The following KMO variants were observed in gnomAD, a reference collection of about 807,000 sequenced individuals.
The protein encoded by KMO is kynurenine 3-monooxygenase.
A neutral mutation model predicts 57.8 loss-of-function variants in KMO; 24 were observed. The observed-to-expected ratio is 0.42, with a 90% CI of 0.30 to 0.58. The LOEUF is 0.58. Ranked by LOEUF, KMO falls within the 20% of genes least tolerant of loss-of-function variation. KMO has a pLI of 0.22. For synonymous variants in KMO, 210 were observed against 193.6 expected (o/e 1.08, Z -0.70); for missense variants, 483 against 588.2 (o/e 0.82, Z 1.85).
At chr1:241,583,874 CAA>C (rs1177459437) in intron 10 of KMO, among the ~76,000 whole-genome samples, 1 of 152,064 alleles carries the variant, frequency 6.6e-6, no homozygotes, top group East Asian at 1.9e-4. Context: ...ATCAGCAATT[CAA>C]GACTTAATTT....
In KMO at chr1:241,595,588, A is replaced by G. The variant is rs946928641; in HGVS notation, c.*3435A>G. The G allele has an allele frequency of 6.6e-6, 1 of 152,244 alleles. No homozygotes were observed. Among genetic ancestry groups the G allele is most frequent in the African/African-American group, 2.4e-5 (1 of 41,472 alleles). 9.4% of individuals were successfully genotyped at this position (152,244 alleles called of 1,614,324 possible). A position where few individuals can be genotyped will look rare whatever the true frequency, so the allele number is the denominator to read the frequency against. The stretch of plus-strand genomic sequence containing the variant: ...TTATTTAGAGCGAAATAAATGTTGA[A>G]TATATGGACTTTCTCAGATTAGGAA... On this transcript the variant is annotated 3_prime_UTR_variant, in exon 15 of 15. Coordinates refer to ENST00000366559, the MANE Select transcript of KMO (RefSeq NM_003679.5).
intron 10 of KMO, among the ~76,000 whole-genome samples, chr1:241,578,517 G>A (rs989766100): frequency 6.6e-6 from 1 of 152,144 alleles, no homozygotes; most frequent in African/African-American, 2.4e-5. Context: ...TGAGGCCACT[G>A]TGGGGAATGT....
chr1:241,581,885 T>C (rs1256542910), intron 10 of KMO, among the ~76,000 whole-genome samples: 1 of 152,152 alleles, frequency 6.6e-6, no homozygotes, highest in Non-Finnish European at 1.5e-5. Flanking sequence ...AGGTGATTTT[T>C]TTTCTCATTT....
chr1:241,562,895 G>T (rs1239456448), intron 7 of KMO, among the ~76,000 whole-genome samples: 6 of 79,036 alleles, frequency 7.6e-5, no homozygotes, highest in Non-Finnish European at 1.7e-4. Context: ...AGGAAGGAAG[G>T]AAGGAAGGAA....
intron 5 of KMO, among the ~76,000 whole-genome samples, chr1:241,556,674 T>C (rs1350474943): frequency 6.6e-6 from 1 of 152,068 alleles, no homozygotes. Flanking sequence ...GGTCAGGAGT[T>C]TGAGACCAGC....
chr1:241,566,685 A>C, intron 9 of KMO, 73 bp downstream of exon 9: 1 of 1,543,842 alleles, frequency 6.5e-7, no homozygotes, highest in Non-Finnish European at 8.9e-7. Flanking sequence ...TATGCACCTG[A>C]TTTCAGTTTG....
At chr1:241,549,214 A>G (rs1378552507) in intron 2 of KMO, among the ~76,000 whole-genome samples, 10 of 6,052 alleles carry the variant, frequency 1.7e-3, no homozygotes, top group African/African-American at 2.2e-3. Flanking sequence ...AGAAAGAAAG[A>G]AAGAAAGAAA....
At position 241,555,678 on chromosome 1, in the gene KMO, T is replaced by C. The variant is rs746866559; in HGVS notation, c.361+18T>C. The C allele has an allele frequency of 1.3e-6, 2 of 1,483,030 alleles. No homozygotes were observed. Among genetic ancestry groups the C allele is most frequent in the Admixed American group, 3.4e-5 (2 of 59,260 alleles). The allele number at this position is 1,483,030 out of a possible 1,614,324, so 91.9% of individuals were successfully genotyped here. A position where few individuals can be genotyped will look rare whatever the true frequency, so the allele number is the denominator to read the frequency against. On this transcript the variant is annotated intron_variant, in intron 5 of 14. Coordinates refer to ENST00000366559, the MANE Select transcript of KMO (RefSeq NM_003679.5). ...ATTGACTGGTAAGTCTAATGTTTGATTCATCAGTTGTCATTTTGAGTAAAG... is the reference window on the plus strand; with the variant it reads ...ATTGACTGGTAAGTCTAATGTTTGACTCATCAGTTGTCATTTTGAGTAAAG...
Position 241,594,139 on chromosome 1 carries a change from AT to A in KMO, c.*1987del. 1 of 329,080 alleles carries A rather than the reference AT, an allele frequency of 3.0e-6. No individual in the cohort carries two copies. The highest frequency in any genetic ancestry group is 5.4e-5 in the East Asian group (1 of 18,472). The allele number at this position is 329,080 out of a possible 1,614,324, so 20.4% of individuals were successfully genotyped here. The stretch of plus-strand genomic sequence containing the variant: ...TTTGGAAAATAGAGTAATTTAAAAA[AT>A]ATATTTGAAATGAAAATCTCCAACA... On this transcript the variant is annotated 3_prime_UTR_variant, in exon 15 of 15. Coordinates refer to ENST00000366559, the MANE Select transcript of KMO (RefSeq NM_003679.5).
chr1:241,580,134 A>G (rs185527496), intron 10 of KMO, among the ~76,000 whole-genome samples: 54 of 152,214 alleles, frequency 3.5e-4, no homozygotes, highest in Admixed American at 9.8e-4. Context: ...AATTTTTCAC[A>G]TGGCTTATAG....
chr1:241,588,938 G>A (rs556742703), intron 12 of KMO, 108 bp downstream of exon 12: 53 of 729,396 alleles, frequency 7.3e-5, no homozygotes, highest in Admixed American at 2.1e-4. Flanking sequence ...TGCTATATAA[G>A]AATACCTACA....
intron 10 of KMO, among the ~76,000 whole-genome samples, chr1:241,571,160 G>A (rs1402860860): frequency 6.7e-6 from 1 of 148,458 alleles, no homozygotes; most frequent in Non-Finnish European, 1.5e-5. Context: ...TTGTTTATCA[G>A]TTCTAATAGT....
intron 5 of KMO, among the ~76,000 whole-genome samples, chr1:241,560,236 C>T (rs1279614796): frequency 6.6e-6 from 1 of 152,126 alleles, no homozygotes; most frequent in Non-Finnish European, 1.5e-5. Flanking sequence ...CAACTTCAAT[C>T]AGAATTCCAG....
intron 10 of KMO, among the ~76,000 whole-genome samples, chr1:241,573,313 A>G (rs1352228616): frequency 3.3e-5 from 5 of 151,980 alleles, no homozygotes; most frequent in Non-Finnish European, 7.4e-5. Flanking sequence ...TTTTAGTTGC[A>G]TTTGCTTTAG....
chr1:241,592,178 G>A lies in KMO; in HGVS notation c.*25G>A. On this transcript the variant is annotated 3_prime_UTR_variant, in exon 15 of 15. Coordinates refer to ENST00000366559, the MANE Select transcript of KMO (RefSeq NM_003679.5). ...ATAGAAAGGTTTTGTGGTAGCAAATGCATGATTTCTCTGTGACCAAAATTA... is the reference window on the plus strand; with the variant it reads ...ATAGAAAGGTTTTGTGGTAGCAAATACATGATTTCTCTGTGACCAAAATTA... 2 of 1,575,266 alleles carry A rather than the reference G, an allele frequency of 1.3e-6. No homozygotes were observed. The highest frequency in any genetic ancestry group is 2.2e-5 in the South Asian group (2 of 89,630).
At chr1:241,548,579 A>T (rs1661242352) in intron 1 of KMO, among the ~76,000 whole-genome samples, 1 of 133,076 alleles carries the variant, frequency 7.5e-6, no homozygotes, top group African/African-American at 3.0e-5. Context: ...CCTCACTATA[A>T]AAAAGTAAAA....
chr1:241,536,066 C>T (rs1234434689), intron 1 of KMO, among the ~76,000 whole-genome samples: 1 of 151,944 alleles, frequency 6.6e-6, no homozygotes, highest in Non-Finnish European at 1.5e-5. Flanking sequence ...GATTTCAGAA[C>T]AAAGTGGAGA....
chr1:241,592,759 T>TATCTATCTATCC lies in KMO; in HGVS notation c.*617_*618insCATCTATCTATC, dbSNP rs1663357720. The TATCTATCTATCC allele has an allele frequency of 7.7e-6, 1 of 130,332 alleles. No individual in the cohort carries two copies. The highest frequency in any genetic ancestry group is 7.4e-5 in the Admixed American group (1 of 13,460). The allele number at this position is 130,332 out of a possible 1,614,324, so 8.1% of individuals were successfully genotyped here. A position where few individuals can be genotyped will look rare whatever the true frequency, so the allele number is the denominator to read the frequency against. On this transcript the variant is annotated 3_prime_UTR_variant, in exon 15 of 15. Transcript: ENST00000366559. ...ATCATCTATCTATCTATCTATCATC[T>TATCTATCTATCC]ATCTATCTATCTATCTATCTATCTA...
rs1484035329 is a variant in KMO at position 241,595,487 on chromosome 1, G to A, written c.*3334G>A. 6.6e-6 allele frequency: 1 copy of A among 152,150 alleles called. No homozygotes were observed. Among genetic ancestry groups the A allele is most frequent in the African/African-American group, 2.4e-5 (1 of 41,432 alleles). 9.4% of individuals were successfully genotyped at this position (152,150 alleles called of 1,614,324 possible). Reference sequence around the variant, plus strand: ...CTCTGTATTAATTCACTGAAATGTTGGGGTTGCTTGTTATAGTAGTCGGTC... The same window carrying A: ...CTCTGTATTAATTCACTGAAATGTTAGGGTTGCTTGTTATAGTAGTCGGTC... On this transcript the variant is annotated 3_prime_UTR_variant, in exon 15 of 15. Coordinates refer to ENST00000366559, the MANE Select transcript of KMO (RefSeq NM_003679.5).
Sources: allele counts gnomAD v4.1 joint callset (sites outside exome capture counted in the v4.1 genomes callset), GRCh38; gene constraint gnomAD v4.1.1; transcripts MANE v1.5; gene names NCBI Gene and HGNC (gene_info 2026-07-23, HGNC 2026-07-21).